MAN1A1: variants seen among roughly 807,000 people sequenced by gnomAD.
MAN1A1 encodes mannosidase alpha class 1A member 1.
A neutral mutation model predicts 70.8 loss-of-function variants in MAN1A1; 29 were observed. The ratio of observed to expected loss-of-function variants is 0.41; its 90% CI spans 0.31 to 0.56. MAN1A1 has a LOEUF of 0.56. MAN1A1 is among the 20% of genes least tolerant of loss of function. MAN1A1 has a pLI of 0.29. For missense variants in MAN1A1, 747 were observed against 841.3 expected, an observed-to-expected ratio of 0.89 and a Z score of 1.39; for synonymous variants, 349 against 330.1, an observed-to-expected ratio of 1.06 and a Z score of -0.62.
At chr6:119,331,308 T>A (rs1444089556) in intron 2 of MAN1A1, among the ~76,000 whole-genome samples, 1 of 152,018 alleles carries the variant, frequency 6.6e-6, no homozygotes, top group Non-Finnish European at 1.5e-5. Flanking sequence ...TCATACTGCA[T>A]TTTTGTTAAT....
At chr6:119,265,682 T>TA (rs145355622) in intron 5 of MAN1A1, among the ~76,000 whole-genome samples, 8,393 of 152,118 alleles carry the variant, frequency 0.055, 331 homozygotes, top group African/African-American at 0.1. Flanking sequence ...AAAATCATAA[T>TA]ACGGTGAGAA....
intron 2 of MAN1A1, among the ~76,000 whole-genome samples, chr6:119,310,363 C>T (rs767032583): frequency 3.5e-4 from 53 of 152,138 alleles, no homozygotes; most frequent in Admixed American, 5.9e-4. Flanking sequence ...AAACTTTGGG[C>T]TTTCATTGCC....
intron 2 of MAN1A1, among the ~76,000 whole-genome samples, chr6:119,308,672 T>C (rs898855973): frequency 6.6e-6 from 1 of 152,072 alleles, no homozygotes; most frequent in Non-Finnish European, 1.5e-5. Flanking sequence ...CACAGAAAAA[T>C]AGAAACCAAT....
Position 119,348,734 on chromosome 6 carries a change from C to T in MAN1A1, c.332G>A (p.Gly111Glu), listed in dbSNP as rs763350914. Residue 111 changes from glycine to glutamate, a missense_variant, in exon 2 of 13, where the codon GGG becomes GAG. By Grantham distance (98) the Gly-to-Glu change is moderately conservative. This residue lies in a region of MAN1A1 where 328 missense variants were observed against 293.1 expected (regional missense o/e 1.12). Transcript: ENST00000368468. ...RARRREEGAP[G>E]DPEAALEDNL... ...GTCCTCCAGGGCGGCCTCCGGGTCC[C>T]CGGGTGCCCCCTCCTCGCGGCGCCG... 6.4e-7 allele frequency: 1 copy of T among 1,571,848 alleles called. No homozygotes were observed. Among genetic ancestry groups the T allele is most frequent in the Non-Finnish European group, 8.6e-7 (1 of 1,161,714 alleles).
chr6:119,207,894 TG>T (rs1203610635), intron 6 of MAN1A1, among the ~76,000 whole-genome samples: 2 of 152,154 alleles, frequency 1.3e-5, no homozygotes, highest in Non-Finnish European at 2.9e-5. Flanking sequence ...ATTTTATCTA[TG>T]GCAGTGGGAG....
At chr6:119,304,864 C>G (rs1772485658) in intron 3 of MAN1A1, among the ~76,000 whole-genome samples, 1 of 152,186 alleles carries the variant, frequency 6.6e-6, no homozygotes, top group Non-Finnish European at 1.5e-5. Context: ...TTCCTATCCT[C>G]TCCCTGGTTT....
In MAN1A1 at chr6:119,266,704, C is replaced by CT. The variant is rs1230530926; in HGVS notation, c.898-18351dup. Among the ~76,000 whole-genome samples, 3 of 152,154 alleles carry CT rather than the reference C, an allele frequency of 2.0e-5. No individual in the cohort carries two copies. The East Asian group carries it at 5.8e-4, about 29-fold the overall frequency. On this transcript the variant is annotated intron_variant, in intron 5 of 12. Transcript: ENST00000368468. ...TGGAGATGACTTTTTAGGTATGACACTAAAAGCATGATCCATGAAAGAAAA... is the reference window on the plus strand; with the variant it reads ...TGGAGATGACTTTTTAGGTATGACACTTAAAAGCATGATCCATGAAAGAAAA...
upstream of MAN1A1, among the ~76,000 whole-genome samples, chr6:119,350,303 C>G (rs1028967824): frequency 1.1e-4 from 17 of 152,176 alleles, no homozygotes; most frequent in African/African-American, 4.1e-4. Flanking sequence ...CCGGGGTTCC[C>G]CGGGTGCCTG....
chr6:119,310,832 A>G (rs926595900), intron 2 of MAN1A1, among the ~76,000 whole-genome samples: 5 of 152,218 alleles, frequency 3.3e-5, no homozygotes, highest in African/African-American at 7.2e-5. Context: ...CCTGTACAGC[A>G]GCTATAGAAC....
In MAN1A1 at chr6:119,180,453, A is replaced by C. The variant is rs6569054; in HGVS notation, c.1720-26T>G. 4.1e-6 allele frequency: 5 copies of C among 1,229,414 alleles called. No individual in the cohort carries two copies. The Admixed American group carries it at 6.0e-5, about 15-fold the overall frequency. 76.2% of individuals were successfully genotyped at this position (1,229,414 alleles called of 1,614,324 possible). A position where few individuals can be genotyped will look rare whatever the true frequency, so the allele number is the denominator to read the frequency against. On this transcript the variant is annotated intron_variant, in intron 11 of 12. Coordinates refer to ENST00000368468, the MANE Select transcript of MAN1A1 (RefSeq NM_005907.4). The stretch of plus-strand genomic sequence containing the variant: ...CTAAATTATAGAGGAGGAAAAAAAA[A>C]AGTCACATTTCAGTAAACTGATTGT...
chr6:119,212,069 C>CA (rs1413199078), intron 6 of MAN1A1, among the ~76,000 whole-genome samples: 5 of 151,562 alleles, frequency 3.3e-5, no homozygotes, highest in African/African-American at 1.2e-4. Flanking sequence ...CTCGATCTCC[C>CA]AACCTCATGA....
intron 5 of MAN1A1, among the ~76,000 whole-genome samples, chr6:119,266,521 G>C (rs1318751599): frequency 6.9e-6 from 1 of 145,000 alleles, no homozygotes; most frequent in East Asian, 2.2e-4. Context: ...GGAAAAACTA[G>C]ATATCCATAT....
intron 5 of MAN1A1, among the ~76,000 whole-genome samples, chr6:119,285,991 A>G (rs2114408260): frequency 6.6e-6 from 1 of 152,354 alleles, no homozygotes; most frequent in East Asian, 1.9e-4. Flanking sequence ...ATTTCCATCC[A>G]AAGCCCAGAT....
At chr6:119,298,274 C>T (rs1188414666) in intron 4 of MAN1A1, among the ~76,000 whole-genome samples, 1 of 152,174 alleles carries the variant, frequency 6.6e-6, no homozygotes, top group Non-Finnish European at 1.5e-5. Flanking sequence ...TTGTTCCTTA[C>T]TCCCCAGAAC....
intron 6 of MAN1A1, among the ~76,000 whole-genome samples, chr6:119,230,378 C>T (rs757280866): frequency 5.9e-5 from 9 of 152,174 alleles, no homozygotes; most frequent in Non-Finnish European, 1.2e-4. Flanking sequence ...ACCTGAGACC[C>T]CACCACAGAG....
upstream of MAN1A1, chr6:119,350,464 A>C: frequency 1.1e-6 from 1 of 933,408 alleles, no homozygotes; most frequent in Non-Finnish European, 1.3e-6. Context: ...TCCCCCAAAA[A>C]ACAAAAAACC....
At chr6:119,332,818 T>C (rs1458645703) in intron 2 of MAN1A1, among the ~76,000 whole-genome samples, 3 of 147,770 alleles carry the variant, frequency 2.0e-5, no homozygotes, top group African/African-American at 5.0e-5. Flanking sequence ...TTGAGGAATA[T>C]AATTTTTATT....
chr6:119,193,811 A>G lies in MAN1A1; in HGVS notation c.1292T>C (p.Leu431Pro), dbSNP rs772244188. ...KAWLMSDKTD[L>P]EAKKMYFDAV... ...ATCAAAATACATCTTCTTAGCTTCC[A>G]GATCTGTCTTGTCAGACATTAACCA... is the stretch of plus-strand genomic sequence containing the variant. The change falls in exon 9 of 13, where the codon CTG becomes CCG. Residue 431 changes from leucine to proline, a missense_variant. Transcript: ENST00000368468. The G allele has an allele frequency of 6.2e-7, 1 of 1,613,608 alleles. No homozygotes were observed. The highest frequency in any genetic ancestry group is 1.3e-5 in the African/African-American group (1 of 74,926).
At chr6:119,255,929 AT>A (rs149936008) in intron 5 of MAN1A1, among the ~76,000 whole-genome samples, 3,739 of 152,306 alleles carry the variant, frequency 0.025, 166 homozygotes, top group African/African-American at 0.086. Context: ...TTTAAAAAAA[AT>A]ATATTTAATT....
Sources: gnomAD v4.1 joint callset for allele counts (sites outside exome capture counted in the v4.1 genomes callset) on GRCh38, gnomAD v4.1.1 for gene constraint, gnomAD v4.1.1 regional missense constraint, MANE v1.5 for transcripts, NCBI Gene and HGNC (gene_info 2026-07-23, HGNC 2026-07-21) for gene names.